DRD2: variants seen among roughly 807,000 people sequenced by gnomAD.
DRD2 encodes the protein dopamine receptor D2.
DRD2 carries 8 observed loss-of-function variants against 38.0 expected under a neutral mutation model. The observed-to-expected ratio is 0.21, with a 90% CI of 0.12 to 0.38. The LOEUF (loss-of-function observed/expected upper bound fraction) is 0.38. Ranked by LOEUF, DRD2 falls within the 10% of genes least tolerant of loss-of-function variation. The pLI is 1.00. For missense variants in DRD2, 403 were observed against 607.7 expected (o/e 0.66, Z 3.54); for synonymous variants, 230 against 238.6 (o/e 0.96, Z 0.33).
Position 113,415,260 on chromosome 11 carries a change from C to A in DRD2, c.723+161G>T, listed in dbSNP as rs189466995. On this transcript the variant is annotated intron_variant, in intron 5 of 7. Coordinates refer to ENST00000362072, the MANE Select transcript of DRD2 (RefSeq NM_000795.4). ...GAGACTCAGATTGCTCCACTGAGGT[C>A]CATGCCTTCAAAATCTGCCCTTGCC... 1.3e-5 allele frequency: 10 copies of A among 799,180 alleles called. No homozygotes were observed. In the Admixed American group the frequency reaches 1.6e-4, roughly 12 times the overall value. The allele number at this position is 799,180 out of a possible 1,614,324, so 49.5% of individuals were successfully genotyped here.
intron 4 of DRD2, among the ~76,000 whole-genome samples, chr11:113,415,850 T>C (rs1950820731): frequency 6.6e-6 from 1 of 152,254 alleles, no homozygotes. Flanking sequence ...TGCTCCCAAG[T>C]CTTTCCATTA....
chr11:113,458,206 C>T (rs1368224994), intron 1 of DRD2, among the ~76,000 whole-genome samples: 1 of 152,186 alleles, frequency 6.6e-6, no homozygotes, highest in African/African-American at 2.4e-5. Context: ...CACACACATC[C>T]CTGTAACACA....
chr11:113,449,094 C>T (rs965092834), intron 1 of DRD2, among the ~76,000 whole-genome samples: 1 of 152,210 alleles, frequency 6.6e-6, no homozygotes, highest in Admixed American at 6.5e-5. Context: ...CTCCTGTGGA[C>T]AGGCTAGACT....
Position 113,446,041 on chromosome 11 carries a change from C to G in DRD2, c.-31-21359G>C, listed in dbSNP as rs149700722. On this transcript the variant is annotated intron_variant, in intron 1 of 7. Transcript: ENST00000362072. Reference sequence around the variant, plus strand: ...TTGTCCTGGCCCAGTAAGTTTTTCTCTGTGTCTGACCTGCAATTGTCCCCT... The same window carrying G: ...TTGTCCTGGCCCAGTAAGTTTTTCTGTGTGTCTGACCTGCAATTGTCCCCT... Among the ~76,000 whole-genome samples the G allele has an allele frequency of 9.7e-4, 148 of 152,272 alleles. 6 individuals are homozygous for G. In the South Asian group the frequency reaches 0.028, roughly 28 times the overall value.
intron 1 of DRD2, among the ~76,000 whole-genome samples, chr11:113,454,596 A>C (rs532013861): frequency 1.3e-5 from 2 of 152,162 alleles, no homozygotes; most frequent in Non-Finnish European, 2.9e-5. Flanking sequence ...AGGGCAGAAC[A>C]GAAAAGCTTC....
intron 2 of DRD2, among the ~76,000 whole-genome samples, chr11:113,421,831 C>T (rs1238664559): frequency 6.6e-6 from 1 of 152,100 alleles, no homozygotes; most frequent in East Asian, 1.9e-4. Context: ...GAGATAATGT[C>T]CATTAAACAA....
chr11:113,428,357 C>T (rs1268923432), intron 1 of DRD2, among the ~76,000 whole-genome samples: 3 of 152,228 alleles, frequency 2.0e-5, no homozygotes, highest in Non-Finnish European at 4.4e-5. Flanking sequence ...GGCCTTTAAT[C>T]CCCTCTCATA....
intron 2 of DRD2, among the ~76,000 whole-genome samples, chr11:113,420,335 T>A (rs1051756756): frequency 1.3e-5 from 2 of 152,226 alleles, no homozygotes; most frequent in African/African-American, 4.8e-5. Context: ...CATGGACATC[T>A]TAAATCTCTC....
intron 1 of DRD2, among the ~76,000 whole-genome samples, chr11:113,442,035 G>T (rs934590774): frequency 6.6e-6 from 1 of 151,948 alleles, no homozygotes; most frequent in South Asian, 2.1e-4. Context: ...ATCCTTTAAA[G>T]ATAACGCACT....
At chr11:113,415,208 T>G (rs1283621611) in intron 5 of DRD2, 1 of 452,564 alleles carries the variant, frequency 2.2e-6, no homozygotes, top group Admixed American at 3.9e-5. Context: ...TGTTATTTAG[T>G]GTCATGGACC....
In DRD2 at chr11:113,447,606, TG is replaced by T. The variant is rs749055726; in HGVS notation, c.-31-22925del. 4.6e-5 allele frequency: 7 copies of T among 152,222 alleles called. No homozygotes were observed. The East Asian group carries it at 1.4e-3, about 29-fold the overall frequency. 9.4% of individuals were successfully genotyped at this position (152,222 alleles called of 1,614,324 possible). ...AACGAACAAACACACACGGGTTTGG[TG>T]GGCAACAGAGAAGGCAGGCGGAACT... is the stretch of plus-strand genomic sequence containing the variant. On this transcript the variant is annotated intron_variant, in intron 1 of 7. Transcript: ENST00000362072.
At chr11:113,465,377 G>A (rs1031848404) in intron 1 of DRD2, among the ~76,000 whole-genome samples, 1 of 152,030 alleles carries the variant, frequency 6.6e-6, no homozygotes, top group Non-Finnish European at 1.5e-5. Context: ...TTACAGGCAT[G>A]AGCCACCATG....
At chr11:113,423,963 C>T (rs1164612387) in intron 2 of DRD2, among the ~76,000 whole-genome samples, 1 of 152,118 alleles carries the variant, frequency 6.6e-6, no homozygotes, top group Non-Finnish European at 1.5e-5. Flanking sequence ...CCAATATGAC[C>T]TAAGGAACTA....
chr11:113,417,928 A>C, intron 3 of DRD2, 99 bp downstream of exon 3: 1 of 932,092 alleles, frequency 1.1e-6, no homozygotes, highest in South Asian at 1.4e-5. Context: ...CCAGCTGCAC[A>C]GCATCACAGA....
chr11:113,430,635 T>C (rs1950976999), intron 1 of DRD2, among the ~76,000 whole-genome samples: 1 of 152,182 alleles, frequency 6.6e-6, no homozygotes, highest in African/African-American at 2.4e-5. Flanking sequence ...GCTGCACAGA[T>C]TGTTGGGCTC....
intron 1 of DRD2, among the ~76,000 whole-genome samples, chr11:113,447,108 C>G (rs777723613): frequency 3.3e-5 from 5 of 152,186 alleles, no homozygotes; most frequent in Non-Finnish European, 7.3e-5. Flanking sequence ...ATAGCCCTTG[C>G]AAGTCCAAAC....
chr11:113,420,693 C>T (rs556949119), intron 2 of DRD2, among the ~76,000 whole-genome samples: 1 of 152,172 alleles, frequency 6.6e-6, no homozygotes, highest in Admixed American at 6.5e-5. Context: ...GACCATCTAG[C>T]TTATCAAGAG....
chr11:113,414,563 G>C lies in DRD2; in HGVS notation c.724-102C>G, dbSNP rs543378546. 4.0e-6 allele frequency: 5 copies of C among 1,261,068 alleles called. No individual in the cohort carries two copies. In the East Asian group the frequency reaches 9.3e-5, roughly 24 times the overall value. The allele number at this position is 1,261,068 out of a possible 1,614,324, so 78.1% of individuals were successfully genotyped here. ...CCATGGAACTCAGACTGGGCAGAAGGGCTCAGAGATCAGGAGGGTGGGGGC... is the reference window on the plus strand; with the variant it reads ...CCATGGAACTCAGACTGGGCAGAAGCGCTCAGAGATCAGGAGGGTGGGGGC... On this transcript the variant is annotated intron_variant, in intron 5 of 7. Transcript: ENST00000362072.
intron 1 of DRD2, among the ~76,000 whole-genome samples, chr11:113,426,091 C>A (rs968375360): frequency 2.6e-5 from 4 of 151,884 alleles, no homozygotes; most frequent in African/African-American, 7.3e-5. Flanking sequence ...GTCATCTGAA[C>A]GAAGATAGTG....
Sources: allele counts gnomAD v4.1 joint callset (sites outside exome capture counted in the v4.1 genomes callset), GRCh38; gene constraint gnomAD v4.1.1; transcripts MANE v1.5; gene names NCBI Gene and HGNC (gene_info 2026-07-23, HGNC 2026-07-21).